PRKD1: variants seen among roughly 807,000 people sequenced by gnomAD.
PRKD1 encodes the protein serine/threonine-protein kinase D1.
PRKD1 carries 63 observed loss-of-function variants against 95.9 expected under a neutral mutation model. That is an observed-to-expected ratio of 0.66 (90% CI 0.54 to 0.81). The LOEUF (loss-of-function observed/expected upper bound fraction) is 0.81. PRKD1 is among the 30% of genes least tolerant of loss of function. The pLI is 0.00. For synonymous variants in PRKD1, 425 were observed against 423.1 expected (o/e 1.00, Z -0.05); for missense variants, 1,048 against 1,165.3 (o/e 0.90, Z 1.47).
At chr14:29,836,878 G>A (rs991464421) in intron 1 of PRKD1, among the ~76,000 whole-genome samples, 7 of 152,104 alleles carry the variant, frequency 4.6e-5, no homozygotes, top group African/African-American at 4.8e-5. Context: ...ACAAGGTTAC[G>A]ATTAAGTGTA....
At chr14:29,836,890 C>A (rs1891631105) in intron 1 of PRKD1, among the ~76,000 whole-genome samples, 1 of 152,056 alleles carries the variant, frequency 6.6e-6, no homozygotes, top group African/African-American at 2.4e-5. Context: ...TTAAGTGTAG[C>A]CGGAAAGAAG....
intron 1 of PRKD1, among the ~76,000 whole-genome samples, chr14:29,899,687 T>C (rs373761221): frequency 6.6e-6 from 1 of 152,196 alleles, no homozygotes; most frequent in Non-Finnish European, 1.5e-5. Flanking sequence ...ATTTAGGATT[T>C]TGCCCATATA....
At chr14:29,795,695 C>A (rs910637139) in intron 1 of PRKD1, among the ~76,000 whole-genome samples, 2 of 152,022 alleles carry the variant, frequency 1.3e-5, no homozygotes, top group African/African-American at 4.8e-5. Flanking sequence ...GCAATATTCC[C>A]CAATTCCAGA....
At chr14:29,772,070 A>G (rs1215931255) in intron 1 of PRKD1, among the ~76,000 whole-genome samples, 1 of 152,236 alleles carries the variant, frequency 6.6e-6, no homozygotes, top group Non-Finnish European at 1.5e-5. Flanking sequence ...TATGATTTCG[A>G]TATTTGGATG....
At chr14:29,730,177 A>T (rs1225267913) in intron 1 of PRKD1, among the ~76,000 whole-genome samples, 2 of 152,150 alleles carry the variant, frequency 1.3e-5, no homozygotes, top group African/African-American at 4.8e-5. Context: ...GACATGTCTC[A>T]AAAGAAGATG....
At chr14:29,837,965 C>A (rs1381470335) in intron 1 of PRKD1, among the ~76,000 whole-genome samples, 1 of 152,192 alleles carries the variant, frequency 6.6e-6, no homozygotes, top group Admixed American at 6.5e-5. Context: ...TATGGTACTA[C>A]ATTAGAAAAT....
intron 1 of PRKD1, among the ~76,000 whole-genome samples, chr14:29,776,342 T>G (rs1003115178): frequency 2.6e-5 from 4 of 151,986 alleles, no homozygotes; most frequent in South Asian, 2.1e-4. Context: ...CGATCAAACT[T>G]CTCCGAGCTA....
chr14:29,580,923 G>A (rs1050691974), intron 16 of PRKD1, among the ~76,000 whole-genome samples: 2 of 151,158 alleles, frequency 1.3e-5, no homozygotes, highest in African/African-American at 4.9e-5. Flanking sequence ...CCCTGACCCC[G>A]AAAAGCTCAC....
At chr14:29,683,843 A>G (rs1258369092) in intron 2 of PRKD1, among the ~76,000 whole-genome samples, 1 of 152,224 alleles carries the variant, frequency 6.6e-6, no homozygotes. Context: ...TTTTTGTGTC[A>G]TCGTCAATCA....
At chr14:29,831,697 G>A (rs1425104505) in intron 1 of PRKD1, among the ~76,000 whole-genome samples, 1 of 151,892 alleles carries the variant, frequency 6.6e-6, no homozygotes, top group Non-Finnish European at 1.5e-5. Flanking sequence ...TTCTGTTTAT[G>A]GGTTTTCAAG....
chr14:29,627,444 C>T (rs1302151022), intron 11 of PRKD1, among the ~76,000 whole-genome samples: 3 of 152,176 alleles, frequency 2.0e-5, no homozygotes, highest in East Asian at 1.9e-4. Context: ...TTCATCACTT[C>T]GGGAGCTAAC....
At chr14:29,849,748 T>TAA (rs574683023) in intron 1 of PRKD1, among the ~76,000 whole-genome samples, 3 of 146,374 alleles carry the variant, frequency 2.0e-5, no homozygotes, top group Non-Finnish European at 4.6e-5. Context: ...TCTGATAATA[T>TAA]AAAAAAAAAA....
intron 4 of PRKD1, among the ~76,000 whole-genome samples, chr14:29,654,041 A>C (rs1471484246): frequency 6.6e-6 from 1 of 152,140 alleles, no homozygotes; most frequent in Non-Finnish European, 1.5e-5. Context: ...CACTATTTTC[A>C]GTAGAGTTAA....
intron 1 of PRKD1, among the ~76,000 whole-genome samples, chr14:29,876,258 T>A (rs1893284369): frequency 6.6e-6 from 1 of 152,194 alleles, no homozygotes; most frequent in Non-Finnish European, 1.5e-5. Context: ...TCTCACTATA[T>A]GTGGTTCCAT....
At chr14:29,880,109 T>C (rs1255417291) in intron 1 of PRKD1, among the ~76,000 whole-genome samples, 1 of 152,166 alleles carries the variant, frequency 6.6e-6, no homozygotes, top group Non-Finnish European at 1.5e-5. Context: ...AGGAGCCTAA[T>C]GTTAATCCCC....
At chr14:29,779,208 T>C (rs761216713) in intron 1 of PRKD1, among the ~76,000 whole-genome samples, 1 of 152,050 alleles carries the variant, frequency 6.6e-6, no homozygotes, top group African/African-American at 2.4e-5. Flanking sequence ...ACGGGAAGCG[T>C]TCCCTTTGAA....
At chr14:29,591,028 T>G (rs1410122846) in intron 16 of PRKD1, 3 of 152,140 alleles carry the variant, frequency 2.0e-5, no homozygotes, top group Non-Finnish European at 4.4e-5. Flanking sequence ...CCGCCCACCT[T>G]GGCCTCCCAA....
chr14:29,717,439 C>T (rs1197517057), intron 2 of PRKD1, among the ~76,000 whole-genome samples: 1 of 152,058 alleles, frequency 6.6e-6, no homozygotes, highest in Non-Finnish European at 1.5e-5. Context: ...AATGGGGTGA[C>T]TTGCTGAACA....
chr14:29,656,622 C>T, intron 4 of PRKD1: 1 of 1,165,548 alleles, frequency 8.6e-7, no homozygotes, highest in Non-Finnish European at 1.2e-6. Flanking sequence ...TTCATATAGG[C>T]ATGCTTTCAA....
Sources: gnomAD v4.1 joint callset for allele counts (sites outside exome capture counted in the v4.1 genomes callset) on GRCh38, gnomAD v4.1.1 for gene constraint, MANE v1.5 for transcripts, NCBI Gene and HGNC (gene_info 2026-07-23, HGNC 2026-07-21) for gene names.